TTLL4: variants seen among roughly 807,000 people sequenced by gnomAD.
The protein encoded by TTLL4 is tubulin tyrosine ligase like 4.
A neutral mutation model predicts 122.7 loss-of-function variants in TTLL4; 85 were observed. The observed-to-expected ratio is 0.69, with a 90% CI of 0.58 to 0.83. TTLL4 has a LOEUF of 0.83. Ranked by LOEUF, TTLL4 falls within the 40% of genes least tolerant of loss-of-function variation. The pLI, the probability that TTLL4 is intolerant of heterozygous loss-of-function variation, is 0.00. For missense variants in TTLL4, 1,363 were observed against 1,488.6 expected, an observed-to-expected ratio of 0.92 and a Z score of 1.39; for synonymous variants, 553 against 563.0, an observed-to-expected ratio of 0.98 and a Z score of 0.25.
chr2:218,724,012 A>C (rs1420125046), intron 1 of TTLL4, among the ~76,000 whole-genome samples: 1 of 152,208 alleles, frequency 6.6e-6, no homozygotes, highest in Non-Finnish European at 1.5e-5. Flanking sequence ...ACATTTAGGA[A>C]GTTTTTAGGA....
chr2:218,747,784 G>T lies in TTLL4; in HGVS notation c.2378+59G>T. On this transcript the variant is annotated intron_variant, in intron 11 of 19. Coordinates refer to ENST00000392102, the MANE Select transcript of TTLL4 (RefSeq NM_014640.5). The surrounding 1 kb of genome is among the most constrained non-coding windows in gnomAD (Gnocchi z 4.7). ...ATTGGGGATTTTATTTTCCTTGGAG[G>T]GAGGGAAACTAGAAGACACCAAACA... 6.2e-7 allele frequency: 1 copy of T among 1,602,786 alleles called. No individual in the cohort carries two copies. Among genetic ancestry groups the T allele is most frequent in the Non-Finnish European group, 8.5e-7 (1 of 1,172,844 alleles).
downstream of TTLL4, among the ~76,000 whole-genome samples, chr2:218,758,918 T>G (rs904365027): frequency 6.6e-6 from 1 of 152,212 alleles, no homozygotes; most frequent in Admixed American, 6.5e-5. Flanking sequence ...AATTGTGATA[T>G]CTCTGTTCAG....
intron 2 of TTLL4, among the ~76,000 whole-genome samples, chr2:218,733,169 C>T (rs902322929): frequency 3.9e-5 from 6 of 152,246 alleles, no homozygotes; most frequent in African/African-American, 1.4e-4. Flanking sequence ...TTTAGGAAGA[C>T]AGTGGCCCTT....
intron 1 of TTLL4, among the ~76,000 whole-genome samples, chr2:218,726,800 GTTTC>G (rs1420686611): frequency 6.8e-6 from 1 of 146,188 alleles, no homozygotes; most frequent in African/African-American, 2.5e-5. Flanking sequence ...CCAGTAACTA[GTTTC>G]TTTCTTTCTT....
Position 218,754,163 on chromosome 2 carries a change from T to C in TTLL4, c.3374T>C (p.Leu1125Pro). 6.2e-7 allele frequency: 1 copy of C among 1,614,178 alleles called. No homozygotes were observed. The highest frequency in any genetic ancestry group is 8.5e-7 in the Non-Finnish European group (1 of 1,180,022). The part of the protein sequence containing the change: ...GKQSSCEVSL[L>P]LSEDGTTPKS... ...CAAAGCTCCTGTGAGGTTAGCCTAC[T>C]ACTCTCTGAAGACGGGACCACGCCC... The change falls in exon 20 of 20, where the codon CTA becomes CCA. Residue 1125 changes from leucine (L) to proline (P), a missense_variant. Coordinates refer to ENST00000392102, the MANE Select transcript of TTLL4 (RefSeq NM_014640.5).
In TTLL4 at chr2:218,738,067, C is replaced by T. The variant is rs751472856; in HGVS notation, c.391C>T (p.Leu131=). Residue 131 remains leucine (L), a synonymous_variant, in exon 3 of 20, where the codon CTG becomes TTG. Transcript: ENST00000392102. ...CTATAGGCAAAAACCGTACCAGCAA[C>T]TGGAGTCTTTCTGCTTGCGTTCGAG... ...SSYRQKPYQQ[L]ESFCLRSSPS... 1.2e-6 allele frequency: 2 copies of T among 1,614,170 alleles called. No homozygotes were observed. The highest frequency in any genetic ancestry group is 1.7e-5 in the Admixed American group (1 of 60,016).
At chr2:218,753,970 T>G (rs1459926738) in intron 19 of TTLL4, among the ~76,000 whole-genome samples, 164 bp from the exon 20 acceptor site, 2 of 152,220 alleles carry the variant, frequency 1.3e-5, no homozygotes. Context: ...GTCTCAAGCC[T>G]TCAAGTAAAT....
chr2:218,713,712 G>A (rs1340533657), intron 1 of TTLL4, among the ~76,000 whole-genome samples: 1 of 152,216 alleles, frequency 6.6e-6, no homozygotes, highest in East Asian at 1.9e-4. Flanking sequence ...TGTCAGATTT[G>A]TATTTAAGAT....
intron 2 of TTLL4, among the ~76,000 whole-genome samples, chr2:218,734,572 A>G (rs1229313627): frequency 2.0e-5 from 3 of 152,192 alleles, no homozygotes; most frequent in Non-Finnish European, 2.9e-5. Context: ...TTGGGTGAAG[A>G]AGAAGAAAGG....
At chr2:218,712,628 T>G (rs1575153464) in intron 1 of TTLL4, among the ~76,000 whole-genome samples, 1 of 151,976 alleles carries the variant, frequency 6.6e-6, no homozygotes, top group Non-Finnish European at 1.5e-5. Context: ...ACCTCGTGAT[T>G]CACCCGCCTC....
intron 7 of TTLL4, 50 bp downstream of exon 7, chr2:218,745,851 G>A: frequency 4.6e-6 from 7 of 1,532,542 alleles, no homozygotes; most frequent in Non-Finnish European, 6.3e-6. Flanking sequence ...CAAATAGATG[G>A]GCTTTGCATA....
chr2:218,754,207 G>T lies in TTLL4; in HGVS notation c.3418G>T (p.Ala1140Ser). 1 of 1,614,142 alleles carries T rather than the reference G, an allele frequency of 6.2e-7. No individual in the cohort carries two copies. The highest frequency in any genetic ancestry group is 2.2e-5 in the East Asian group (1 of 44,878). Reference protein sequence around the residue: ...GTTPKSKKTQAGLSPYPQKPS... With the variant: ...GTTPKSKKTQSGLSPYPQKPS... ...CACGCCCAAATCCAAGAAGACTCAA[G>T]CTGGCCTTTCCCCTTATCCCCAGAA... is the stretch of plus-strand genomic sequence containing the variant. The change falls in exon 20 of 20, where the codon GCT (alanine) becomes TCT (serine). Residue 1140 changes from alanine (A) to serine (S), a missense_variant. Physicochemically the swap from Ala to Ser is moderately conservative, Grantham distance 99. Around this residue, in one of 3 missense-constraint regions of TTLL4, gnomAD observed 596 missense variants for 655.8 expected, o/e 0.91. Transcript: ENST00000392102.
chr2:218,737,842 GA>G lies in TTLL4; in HGVS notation c.170del (p.Lys57ArgfsTer161). On this transcript the variant is annotated frameshift_variant, in exon 3 of 20. Coordinates refer to ENST00000392102, the MANE Select transcript of TTLL4 (RefSeq NM_014640.5). LOFTEE classifies it high-confidence loss of function. ...HQQVKPIWKL[E>X]KKQVETLSAG... Reference sequence around the variant, plus strand: ...GCAAGTGAAGCCAATCTGGAAGCTGGAAAAGAAGCAAGTGGAGACACTGTCA... The same window carrying G: ...GCAAGTGAAGCCAATCTGGAAGCTGGAAAGAAGCAAGTGGAGACACTGTCA... The G allele has an allele frequency of 1.9e-6, 3 of 1,614,262 alleles. No individual in the cohort carries two copies. The highest frequency in any genetic ancestry group is 2.5e-6 in the Non-Finnish European group (3 of 1,180,050).
chr2:218,717,057 C>G (rs1370935259), intron 1 of TTLL4, among the ~76,000 whole-genome samples: 1 of 151,872 alleles, frequency 6.6e-6, no homozygotes, highest in Non-Finnish European at 1.5e-5. Flanking sequence ...TCATGGCTTA[C>G]TGCAGTCTCC....
chr2:218,751,635 C>T (rs548458474), intron 15 of TTLL4, 69 bp from the exon 16 acceptor site: 7 of 1,574,588 alleles, frequency 4.4e-6, no homozygotes, highest in South Asian at 1.2e-5. Flanking sequence ...GGCTGGACCT[C>T]CTCCATATTT....
intron 2 of TTLL4, among the ~76,000 whole-genome samples, chr2:218,732,917 A>G (rs185548438): frequency 6.6e-6 from 1 of 152,324 alleles, no homozygotes; most frequent in Non-Finnish European, 1.5e-5. Context: ...AACCTCAAAC[A>G]CTGAAACTAG....
intron 5 of TTLL4, among the ~76,000 whole-genome samples, chr2:218,743,142 C>T (rs1422344138): frequency 1.3e-5 from 2 of 150,116 alleles, no homozygotes; most frequent in Non-Finnish European, 2.9e-5. Context: ...AAGACTCTGT[C>T]TCAAAAAAAA....
intron 12 of TTLL4, 85 bp from the exon 13 acceptor site, chr2:218,748,751 C>T: frequency 8.5e-7 from 1 of 1,181,562 alleles, no homozygotes; most frequent in East Asian, 2.5e-5. Context: ...AAGAAAATAC[C>T]ATTAGGTCTC....
intron 16 of TTLL4, among the ~76,000 whole-genome samples, chr2:218,752,254 A>G (rs181741536): frequency 6.6e-6 from 1 of 152,286 alleles, no homozygotes; most frequent in East Asian, 1.9e-4. Context: ...CAGGCCTGTG[A>G]TCCTCTGATG....
Sources: gnomAD v4.1 joint callset for allele counts (sites outside exome capture counted in the v4.1 genomes callset) on GRCh38, gnomAD v4.1.1 for gene constraint, gnomAD v4.1.1 regional missense constraint, Gnocchi (gnomAD v3.1) non-coding constraint, MANE v1.5 for transcripts, NCBI Gene and HGNC (gene_info 2026-07-23, HGNC 2026-07-21) for gene names.